Variants in NUF2 observed in about 807,000 individuals in gnomAD.
NUF2 encodes NUF2 component of NDC80 kinetochore complex.
NUF2 carries 34 observed loss-of-function variants against 61.8 expected under a neutral mutation model. The observed-to-expected ratio is 0.55, with a 90% CI of 0.42 to 0.73. The LOEUF is 0.73. Among genes scored for constraint, NUF2 ranks in the 30% least tolerant of loss-of-function variants. The pLI is 0.00. For synonymous variants in NUF2, 172 were observed against 181.6 expected (o/e 0.95, Z 0.42); for missense variants, 445 against 539.1 (o/e 0.83, Z 1.73).
chr1:163,335,565 G>GA (rs914690353), intron 5 of NUF2, among the ~76,000 whole-genome samples: 11 of 150,338 alleles, frequency 7.3e-5, no homozygotes, highest in African/African-American at 2.4e-4. Context: ...TTTGTTTTTG[G>GA]TTTTTTTTTG....
intron 13 of NUF2, among the ~76,000 whole-genome samples, chr1:163,352,335 C>T (rs929184002): frequency 3.9e-5 from 6 of 152,180 alleles, no homozygotes; most frequent in African/African-American, 1.4e-4. Flanking sequence ...ATTTTAGATT[C>T]TTCTGCATCA....
intron 1 of NUF2, among the ~76,000 whole-genome samples, chr1:163,324,692 T>G (rs1650352958): frequency 6.6e-6 from 1 of 152,172 alleles, no homozygotes; most frequent in Non-Finnish European, 1.5e-5. Flanking sequence ...TAACAGTGGC[T>G]GCTATTGCTG....
At chr1:163,349,639 G>A (rs16852843) in intron 13 of NUF2, among the ~76,000 whole-genome samples, 1,854 of 151,948 alleles carry the variant, frequency 0.012, 38 homozygotes, top group African/African-American at 0.043. Flanking sequence ...ATTACTTTCC[G>A]TCATCCACAC....
At chr1:163,346,739 C>A (rs756706281) in intron 11 of NUF2, among the ~76,000 whole-genome samples, 2 of 152,112 alleles carry the variant, frequency 1.3e-5, no homozygotes, top group African/African-American at 2.4e-5. Flanking sequence ...TCTGTAGTCC[C>A]AGCCACTTGG....
chr1:163,343,667 C>T (rs1416017069), intron 9 of NUF2, 66 bp from the exon 10 acceptor site: 2 of 751,770 alleles, frequency 2.7e-6, no homozygotes, highest in Admixed American at 3.6e-5. Flanking sequence ...TTTGTTCTTT[C>T]CCATTACTAG....
At chr1:163,329,188 A>T (rs181489123) in intron 5 of NUF2, among the ~76,000 whole-genome samples, 50 of 152,234 alleles carry the variant, frequency 3.3e-4, no homozygotes, top group African/African-American at 1.2e-3. Flanking sequence ...AATAATATGT[A>T]AGTATGATTT....
At chr1:163,347,653 C>T (rs911261506) in intron 11 of NUF2, 110 bp from the exon 12 acceptor site, 3 of 798,358 alleles carry the variant, frequency 3.8e-6, no homozygotes, top group South Asian at 2.7e-5. Flanking sequence ...AGAGTTTTGT[C>T]TCTTTTTAAA....
intron 5 of NUF2, 78 bp downstream of exon 5, chr1:163,328,985 A>AG: frequency 1.3e-6 from 1 of 756,704 alleles, no homozygotes. Context: ...ATGTAAAAAA[A>AG]AAAAAAAAGG....
At chr1:163,328,158 C>A in intron 3 of NUF2, 70 bp from the exon 4 acceptor site, 1 of 935,704 alleles carries the variant, frequency 1.1e-6, no homozygotes, top group South Asian at 1.6e-5. Flanking sequence ...ATATTTTGAT[C>A]TTGGTTGAAG....
intron 7 of NUF2, chr1:163,339,167 T>C (rs1045887353): frequency 4.0e-6 from 2 of 501,402 alleles, no homozygotes; most frequent in Non-Finnish European, 7.1e-6. Context: ...ATCCATAGAT[T>C]TGATAGTAGA....
intron 5 of NUF2, among the ~76,000 whole-genome samples, chr1:163,335,191 A>G (rs946976287): frequency 1.3e-5 from 2 of 152,026 alleles, no homozygotes; most frequent in African/African-American, 4.8e-5. Flanking sequence ...TGACCTTGTG[A>G]TCCGCCCACC....
At chr1:163,327,184 G>A (rs1440729775) in intron 2 of NUF2, among the ~76,000 whole-genome samples, 1 of 151,678 alleles carries the variant, frequency 6.6e-6, no homozygotes, top group Non-Finnish European at 1.5e-5. Flanking sequence ...CTGACAGCCT[G>A]TTCTGAAAGA....
intron 9 of NUF2, among the ~76,000 whole-genome samples, chr1:163,342,384 A>T (rs766492974): frequency 6.6e-6 from 1 of 152,186 alleles, no homozygotes; most frequent in Non-Finnish European, 1.5e-5. Flanking sequence ...GAGAAAAGTG[A>T]TGAAAGTTAA....
chr1:163,345,621 C>T, intron 10 of NUF2, 57 bp from the exon 11 acceptor site: 1 of 1,466,748 alleles, frequency 6.8e-7, no homozygotes, highest in South Asian at 1.2e-5. Flanking sequence ...ATTGATATTA[C>T]TGCAGCTTCA....
At chr1:163,327,760 A>C (rs3817126) in intron 3 of NUF2, 198 bp downstream of exon 3, 318,453 of 521,440 alleles carry the variant, frequency 0.61, 98,931 homozygotes, top group South Asian at 0.68. Flanking sequence ...ATATCCATAG[A>C]TTTAGTAAGA....
In NUF2 at chr1:163,328,219, T is replaced by C. The variant is rs772589586; in HGVS notation, c.199-9T>C. The C allele has an allele frequency of 4.4e-6, 7 of 1,591,012 alleles. No homozygotes were observed. The South Asian group carries it at 5.7e-5, about 13-fold the overall frequency. ...GTGTAATGTCGATTTTGTGGTTTAT[T>C]GCATTTAGATGCCAGTGAACTCTGA... On this transcript the variant is annotated splice_polypyrimidine_tract_variant and intron_variant, in intron 3 of 13. Transcript: ENST00000271452.
At chr1:163,326,240 T>C (rs977613399) in intron 2 of NUF2, 66 bp downstream of exon 2, 2 of 1,508,164 alleles carry the variant, frequency 1.3e-6, no homozygotes, top group African/African-American at 1.4e-5. Context: ...ACTAGGTCTA[T>C]TGTGTGGCAA....
intron 5 of NUF2, among the ~76,000 whole-genome samples, chr1:163,330,120 C>G (rs1014102570): frequency 6.6e-6 from 1 of 152,112 alleles, no homozygotes; most frequent in African/African-American, 2.4e-5. Flanking sequence ...ATGGTAGATA[C>G]TTGTCATTAT....
intron 3 of NUF2, chr1:163,327,919 A>G (rs1650479858): frequency 2.7e-6 from 1 of 366,426 alleles, no homozygotes; most frequent in Non-Finnish European, 4.8e-6. Context: ...AAATTAGAGT[A>G]GAAGATATGC....
Sources: gnomAD v4.1 joint callset for allele counts (sites outside exome capture counted in the v4.1 genomes callset) on GRCh38, gnomAD v4.1.1 for gene constraint, MANE v1.5 for transcripts, NCBI Gene and HGNC (gene_info 2026-07-23, HGNC 2026-07-21) for gene names.